TFG: variants seen among roughly 807,000 people sequenced by gnomAD.
TFG encodes the protein protein TFG.
Under a neutral mutation model 51.4 loss-of-function variants are expected in TFG, and 22 were observed. The observed-to-expected ratio is 0.43, with a 90% CI of 0.31 to 0.61. The LOEUF (loss-of-function observed/expected upper bound fraction) is 0.61, where lower values mean the gene tolerates loss of function less well. Ranked by LOEUF, TFG falls within the 20% of genes least tolerant of loss-of-function variation. The probability of loss-of-function intolerance (pLI) is 0.12; values close to 1 mark genes in which losing one functional copy is unlikely to be tolerated. For synonymous variants in TFG, 187 were observed against 165.6 expected (o/e 1.13, Z -0.99); for missense variants, 419 against 487.7 (o/e 0.86, Z 1.33).
chr3:100,712,629 C>T (rs2095034220), intron 1 of TFG, among the ~76,000 whole-genome samples: 1 of 152,150 alleles, frequency 6.6e-6, no homozygotes, highest in African/African-American at 2.4e-5. Context: ...TGTTGAATGA[C>T]TGTTGTCTGC....
rs753456081 is a variant in TFG, at chr3:100,720,094, A to G, written c.268+36A>G. Reference sequence around the variant, plus strand: ...AACTTTCTAATGAATTTACTATTTTATTCATTGTATTTTAAAGATGTTTGG... The same window carrying G: ...AACTTTCTAATGAATTTACTATTTTGTTCATTGTATTTTAAAGATGTTTGG... On this transcript the variant is annotated intron_variant, in intron 3 of 7. Transcript: ENST00000240851. 1.7e-5 allele frequency: 22 copies of G among 1,290,630 alleles called. No individual in the cohort carries two copies. The East Asian group carries it at 5.5e-4, about 32-fold the overall frequency. The allele number at this position is 1,290,630 out of a possible 1,614,324, so 79.9% of individuals were successfully genotyped here. A position where few individuals can be genotyped will look rare whatever the true frequency, so the allele number is the denominator to read the frequency against.
intron 5 of TFG, among the ~76,000 whole-genome samples, chr3:100,733,464 A>G (rs1432750563): frequency 1.3e-5 from 2 of 152,160 alleles, no homozygotes; most frequent in Non-Finnish European, 2.9e-5. Context: ...TTTATTTTAC[A>G]TTCATTAAGT....
chr3:100,728,601 A>G lies in TFG; in HGVS notation c.269-111A>G, dbSNP rs999577059. On this transcript the variant is annotated intron_variant, in intron 3 of 7. Coordinates refer to ENST00000240851, the MANE Select transcript of TFG (RefSeq NM_006070.6). ...AAAAAAGTTACTCCATTACATTGAT[A>G]TCTTGTTTTTGTTTTTTTAAAGGAA... 26 of 866,842 alleles carry G rather than the reference A, an allele frequency of 3.0e-5. No individual in the cohort carries two copies. The East Asian group carries it at 7.9e-4, about 26-fold the overall frequency. The allele number at this position is 866,842 out of a possible 1,614,324, so 53.7% of individuals were successfully genotyped here.
chr3:100,713,999 C>T (rs1459745150), intron 2 of TFG, 130 bp downstream of exon 2: 7 of 490,726 alleles, frequency 1.4e-5, no homozygotes, highest in Middle Eastern at 5.8e-4. Flanking sequence ...CTCCTGGGCT[C>T]AAGCAATCCT....
chr3:100,720,993 TGGTCTATTG>T (rs1313650920), intron 3 of TFG, among the ~76,000 whole-genome samples: 3 of 152,206 alleles, frequency 2.0e-5, no homozygotes, highest in Non-Finnish European at 4.4e-5. Flanking sequence ...AATATGATCA[TGGTCTATTG>T]ATTTAATTTG....
intron 2 of TFG, among the ~76,000 whole-genome samples, chr3:100,718,888 C>T (rs910169915): frequency 4.0e-5 from 6 of 151,832 alleles, no homozygotes; most frequent in Admixed American, 1.3e-4. Context: ...GATTTGTGTC[C>T]GTTAGATTCT....
chr3:100,712,464 A>T (rs765753301), intron 1 of TFG, among the ~76,000 whole-genome samples: 7 of 152,226 alleles, frequency 4.6e-5, no homozygotes, highest in Non-Finnish European at 8.8e-5. Context: ...AGTTTGTAGG[A>T]TACCTTGAAA....
intron 3 of TFG, among the ~76,000 whole-genome samples, chr3:100,724,993 T>G (rs1034890108): frequency 2.0e-5 from 3 of 152,170 alleles, no homozygotes; most frequent in African/African-American, 7.2e-5. Context: ...AAGCTCCGCC[T>G]CCGGGGCTCA....
In TFG at chr3:100,732,702, T is replaced by C. The variant is rs772530102; in HGVS notation, c.580+30T>C. On this transcript the variant is annotated intron_variant, in intron 5 of 7. Transcript: ENST00000240851. ...GTTGGTTTCCAACTCCTTTACACCC[T>C]TCGTTTCCTTCATCTTTCCGTTCTT... is the stretch of plus-strand genomic sequence containing the variant. The C allele has an allele frequency of 2.0e-6, 3 of 1,536,362 alleles. No homozygotes were observed. In the Admixed American group the frequency reaches 6.1e-5, roughly 31 times the overall value.
intron 4 of TFG, among the ~76,000 whole-genome samples, chr3:100,729,170 A>C (rs2095084467): frequency 6.6e-6 from 1 of 152,230 alleles, no homozygotes. Context: ...TTTGTTACAC[A>C]GGTCAGTTTT....
At chr3:100,722,319 G>T (rs1024352924) in intron 3 of TFG, among the ~76,000 whole-genome samples, 6 of 152,134 alleles carry the variant, frequency 3.9e-5, no homozygotes, top group African/African-American at 7.2e-5. Context: ...GCTAAAAAGA[G>T]AATTAGTGAA....
chr3:100,720,597 G>A (rs1184572149), intron 3 of TFG, among the ~76,000 whole-genome samples: 1 of 152,200 alleles, frequency 6.6e-6, no homozygotes, highest in Non-Finnish European at 1.5e-5. Flanking sequence ...TGCCACTGCT[G>A]AACTGACAGG....
At chr3:100,723,747 A>C (rs79615414) in intron 3 of TFG, among the ~76,000 whole-genome samples, 77 of 152,302 alleles carry the variant, frequency 5.1e-4, no homozygotes, top group African/African-American at 1.8e-3. Context: ...GAAATCAATA[A>C]ATTTACAATT....
chr3:100,727,150 A>T (rs191888866), intron 3 of TFG, among the ~76,000 whole-genome samples: 104 of 152,302 alleles, frequency 6.8e-4, no homozygotes, highest in African/African-American at 2.3e-3. Flanking sequence ...AAATATTTAT[A>T]TTCAACGGGA....
intron 1 of TFG, among the ~76,000 whole-genome samples, chr3:100,710,797 C>T (rs961156041): frequency 1.3e-5 from 2 of 152,168 alleles, no homozygotes; most frequent in African/African-American, 2.4e-5. Context: ...AAGAGCTTGT[C>T]GTAGGGCTCC....
chr3:100,709,369 T>TTC (rs2095022245), upstream of TFG: 1 of 152,500 alleles, frequency 6.6e-6, no homozygotes, highest in South Asian at 2.1e-4. Flanking sequence ...GCAGGGACTC[T>TTC]TCGGCCTAGG....
intron 6 of TFG, among the ~76,000 whole-genome samples, chr3:100,737,056 C>T (rs2095108591): frequency 6.6e-6 from 1 of 152,104 alleles, no homozygotes; most frequent in South Asian, 2.1e-4. Flanking sequence ...ATTTTATCTC[C>T]CTCCTTTCTT....
chr3:100,746,233 G>A (rs191003968), intron 7 of TFG, among the ~76,000 whole-genome samples: 14 of 152,242 alleles, frequency 9.2e-5, no homozygotes, highest in African/African-American at 3.4e-4. Flanking sequence ...CGGGATTTCG[G>A]TCCTCACTAT....
At chr3:100,712,639 C>T (rs572495446) in intron 1 of TFG, among the ~76,000 whole-genome samples, 1 of 152,252 alleles carries the variant, frequency 6.6e-6, no homozygotes, top group East Asian at 1.9e-4. Context: ...CTGTTGTCTG[C>T]TAGGCACTGT....
Sources: allele counts gnomAD v4.1 joint callset (sites outside exome capture counted in the v4.1 genomes callset), GRCh38; gene constraint gnomAD v4.1.1; transcripts MANE v1.5; gene names NCBI Gene and HGNC (gene_info 2026-07-23, HGNC 2026-07-21).